ANK2: variants seen among roughly 807,000 people sequenced by gnomAD.
The protein encoded by ANK2 is ankyrin 2, also known as ankyrin-2.
Under a neutral mutation model 360.5 loss-of-function variants are expected in ANK2, and 83 were observed. The ratio of observed to expected loss-of-function variants is 0.23; its 90% CI spans 0.19 to 0.28. The LOEUF (loss-of-function observed/expected upper bound fraction) is 0.28, where lower values mean the gene tolerates loss of function less well. ANK2 is among the 10% of genes least tolerant of loss of function. The pLI is 1.00. For synonymous variants in ANK2, 1,740 were observed against 1,759.5 expected, an observed-to-expected ratio of 0.99 and a Z score of 0.28; for missense variants, 4,201 against 4,795.7, an observed-to-expected ratio of 0.88 and a Z score of 3.66.
At chr4:112,727,901 C>G in the ANK2 span, among the ~76,000 whole-genome samples, 4 of 152,120 alleles carry the variant, frequency 2.6e-5, no homozygotes, top group African/African-American at 7.2e-5. Context: ...TGCTTGCACG[C>G]GGGAGGCGGA....
chr4:113,330,235 T>C lies in ANK2; in HGVS notation c.2901-11T>C, dbSNP rs1007149544. 7 of 1,612,044 alleles carry C rather than the reference T, an allele frequency of 4.3e-6. 1 individual carries two copies. Among genetic ancestry groups the C allele is most frequent in the Non-Finnish European group, 5.9e-6 (7 of 1,178,706 alleles). ...TTCAAAACATATCTAATCTTCTATT[T>C]TAATTTTTAGTTTCCTGGTTAGTTT... On this transcript the variant is annotated splice_polypyrimidine_tract_variant and intron_variant, in intron 26 of 45. Transcript: ENST00000357077.
chr4:112,978,433 C>A (rs973684676), intron 2 of ANK2, among the ~76,000 whole-genome samples: 1 of 152,172 alleles, frequency 6.6e-6, no homozygotes, highest in Non-Finnish European at 1.5e-5. Flanking sequence ...AGAATTCTTT[C>A]ATTTTCCCAA....
At chr4:113,077,441 A>G (rs2080548986) in intron 1 of ANK2, among the ~76,000 whole-genome samples, 1 of 152,136 alleles carries the variant, frequency 6.6e-6, no homozygotes, top group African/African-American at 2.4e-5. Flanking sequence ...ATTAGGTAAA[A>G]AAAAATTTTA....
the ANK2 span, among the ~76,000 whole-genome samples, chr4:112,775,387 C>T: frequency 2.0e-5 from 3 of 152,070 alleles, no homozygotes; most frequent in Admixed American, 2.0e-4. Flanking sequence ...GGTGTGGTGG[C>T]ACGTGCCTGT....
rs2093445163 is a variant in ANK2, at chr4:113,335,768, G to A, written c.3380-78G>A. On this transcript the variant is annotated intron_variant, in intron 29 of 45. Transcript: ENST00000357077. ...CTGGCACTTCTGTTCATTATTAACC[G>A]AGCGAATGAGTTGGCTAGAATGCTG... is the stretch of plus-strand genomic sequence containing the variant. 2.2e-5 allele frequency: 31 copies of A among 1,414,610 alleles called. No individual in the cohort carries two copies. The South Asian group carries it at 2.4e-4, about 11-fold the overall frequency. 87.6% of individuals were successfully genotyped at this position (1,414,610 alleles called of 1,614,324 possible). A position where few individuals can be genotyped will look rare whatever the true frequency, so the allele number is the denominator to read the frequency against.
chr4:112,920,060 T>C (rs936966847), intron 2 of ANK2, among the ~76,000 whole-genome samples: 25 of 152,148 alleles, frequency 1.6e-4, no homozygotes, highest in African/African-American at 5.8e-4. Context: ...GATATTATTT[T>C]AAGTATTGTA....
rs1414467261 is a variant in ANK2 at position 113,302,497 on chromosome 4, C to A, written c.2476-270C>A. ...ATACAACTAATTATTATTAATAATA[C>A]CATTGCTAAAGAATTTATTTTTCAA... On this transcript the variant is annotated intron_variant, in intron 22 of 45. Transcript: ENST00000357077. Among the ~76,000 whole-genome samples, 6 of 152,272 alleles carry A rather than the reference C, an allele frequency of 3.9e-5. No homozygotes were observed. The East Asian group carries it at 9.6e-4, about 24-fold the overall frequency.
At chr4:113,141,796 G>C (rs1412594202) in intron 1 of ANK2, among the ~76,000 whole-genome samples, 1 of 152,174 alleles carries the variant, frequency 6.6e-6, no homozygotes, top group African/African-American at 2.4e-5. Context: ...TGCTGTCATA[G>C]GGACTTCAGC....
At chr4:112,874,790 T>G (rs532124355) in intron 1 of ANK2, among the ~76,000 whole-genome samples, 1 of 152,160 alleles carries the variant, frequency 6.6e-6, no homozygotes, top group East Asian at 1.9e-4. Context: ...AATTTTCTTC[T>G]GTAATCAGTG....
intron 15 of ANK2, 116 bp downstream of exon 15, chr4:113,274,765 CT>C: frequency 1.9e-6 from 2 of 1,059,104 alleles, no homozygotes; most frequent in Non-Finnish European, 2.8e-6. Context: ...GACTTACTTC[CT>C]TCTCTACATA....
intron 1 of ANK2, among the ~76,000 whole-genome samples, chr4:113,105,342 A>G (rs892403745): frequency 3.3e-5 from 5 of 152,136 alleles, no homozygotes; most frequent in African/African-American, 7.2e-5. Context: ...AGTGGTGAGG[A>G]TAGGAAAGTT....
At chr4:112,732,274 G>T in the ANK2 span, among the ~76,000 whole-genome samples, 1 of 146,540 alleles carries the variant, frequency 6.8e-6, no homozygotes, top group Non-Finnish European at 1.5e-5. Context: ...TCAAGAAACA[G>T]GGTCTGGCCC....
intron 9 of ANK2, among the ~76,000 whole-genome samples, chr4:113,246,006 G>A (rs1425504449): frequency 6.6e-6 from 1 of 152,122 alleles, no homozygotes; most frequent in Admixed American, 6.5e-5. Flanking sequence ...ATGTTGGTCA[G>A]GCTGGTCTCA....
intron 24 of ANK2, among the ~76,000 whole-genome samples, chr4:113,311,626 C>T (rs757497659): frequency 6.6e-6 from 1 of 152,002 alleles, no homozygotes; most frequent in African/African-American, 2.4e-5. Flanking sequence ...TAAAATCAAA[C>T]AACTAGTAAG....
chr4:112,902,332 C>T (rs1418897855), intron 1 of ANK2, among the ~76,000 whole-genome samples: 1 of 152,200 alleles, frequency 6.6e-6, no homozygotes, highest in Non-Finnish European at 1.5e-5. Context: ...GAACACTTTG[C>T]TCAGCATGCT....
intron 43 of ANK2, among the ~76,000 whole-genome samples, chr4:113,372,314 AT>A (rs1253885626): frequency 6.6e-6 from 1 of 151,946 alleles, no homozygotes; most frequent in East Asian, 1.9e-4. Context: ...GAATTCCAGA[AT>A]TTTTTTTCAT....
chr4:112,954,489 A>G (rs999877146), intron 2 of ANK2, among the ~76,000 whole-genome samples: 7 of 152,178 alleles, frequency 4.6e-5, no homozygotes, highest in East Asian at 1.9e-4. Context: ...TAGTTCGAGT[A>G]TAAGCACACT....
chr4:113,351,749 T>C (rs942614571), intron 37 of ANK2, among the ~76,000 whole-genome samples: 8 of 152,198 alleles, frequency 5.3e-5, no homozygotes, highest in South Asian at 2.1e-4. Context: ...GTTACCATGT[T>C]GCTATGATGC....
At chr4:113,210,607 A>C (rs2099010578) in intron 4 of ANK2, among the ~76,000 whole-genome samples, 2 of 152,198 alleles carry the variant, frequency 1.3e-5, no homozygotes, top group Admixed American at 6.5e-5. Context: ...TGGACAAGTT[A>C]TCTCCCATTT....
Sources: allele counts gnomAD v4.1 joint callset (sites outside exome capture counted in the v4.1 genomes callset), GRCh38; gene constraint gnomAD v4.1.1; transcripts MANE v1.5; gene names NCBI Gene and HGNC (gene_info 2026-07-23, HGNC 2026-07-21).